The following CACNA1I variants were observed in gnomAD, a reference collection of about 807,000 sequenced individuals.
CACNA1I encodes voltage-dependent T-type calcium channel subunit alpha-1I.
CACNA1I carries 74 observed loss-of-function variants against 201.6 expected under a neutral mutation model. The observed-to-expected ratio is 0.37, with a 90% CI of 0.30 to 0.45. CACNA1I has a LOEUF of 0.45. Ranked by LOEUF, CACNA1I falls within the 20% of genes least tolerant of loss-of-function variation. The pLI, the probability that CACNA1I is intolerant of heterozygous loss-of-function variation, is 1.00. For missense variants in CACNA1I, 2,346 were observed against 3,138.1 expected (o/e 0.75, Z 6.03); for synonymous variants, 1,431 against 1,345.2 (o/e 1.06, Z -1.40).
intron 2 of CACNA1I, among the ~76,000 whole-genome samples, chr22:39,600,281 C>T (rs768309127): frequency 2.2e-4 from 34 of 152,146 alleles, no homozygotes; most frequent in African/African-American, 3.6e-4. Context: ...ACAGATAGAA[C>T]GGGCTGTATG....
chr22:39,646,154 C>T (rs1295398529), intron 7 of CACNA1I, among the ~76,000 whole-genome samples: 3 of 152,038 alleles, frequency 2.0e-5, no homozygotes, highest in Non-Finnish European at 2.9e-5. Flanking sequence ...TCTCCTGGAG[C>T]GAGGCCTCAG....
At chr22:39,584,711 G>A (rs1271017490) in intron 1 of CACNA1I, among the ~76,000 whole-genome samples, 1 of 152,212 alleles carries the variant, frequency 6.6e-6, no homozygotes, top group Admixed American at 6.5e-5. Context: ...GAGCTTGCAT[G>A]GGCACAAGTT....
At chr22:39,606,607 A>T (rs1933228283) in intron 3 of CACNA1I, among the ~76,000 whole-genome samples, 1 of 151,982 alleles carries the variant, frequency 6.6e-6, no homozygotes, top group Non-Finnish European at 1.5e-5. Flanking sequence ...ATCTCGGCTC[A>T]CTACAACCTC....
intron 5 of CACNA1I, among the ~76,000 whole-genome samples, chr22:39,638,666 T>A (rs779944299): frequency 2.0e-5 from 3 of 152,168 alleles, no homozygotes; most frequent in Non-Finnish European, 4.4e-5. Context: ...TTTGTCTTTT[T>A]TTTCCCCCTA....
Position 39,661,384 on chromosome 22 carries a change from C to T in CACNA1I, c.2901+74C>T, listed in dbSNP as rs186975606. The T allele has an allele frequency of 7.7e-6, 9 of 1,163,210 alleles. No individual in the cohort carries two copies. In the African/African-American group the frequency reaches 1.3e-4, roughly 16 times the overall value. 72.1% of individuals were successfully genotyped at this position (1,163,210 alleles called of 1,614,324 possible). ...TGTGGAGGGGCCCTGAAGAGAGGTA[C>T]CTGCCAGTCTAGCCTCAGACTCTGG... On this transcript the variant is annotated intron_variant, in intron 16 of 36. Transcript: ENST00000402142.
At chr22:39,673,875 C>T in intron 28 of CACNA1I, 88 bp from the exon 29 acceptor site, 1 of 1,299,002 alleles carries the variant, frequency 7.7e-7, no homozygotes, top group Admixed American at 1.9e-5. Flanking sequence ...GTTCTCTTCT[C>T]CCAAGTTTAC....
At chr22:39,630,029 C>T (rs5750860) in intron 4 of CACNA1I, among the ~76,000 whole-genome samples, 25,121 of 152,090 alleles carry the variant, frequency 0.17, 2,552 homozygotes, top group South Asian at 0.27. Context: ...TCCCCCCAGC[C>T]GCATGGTCTC....
At position 39,662,028 on chromosome 22, in the gene CACNA1I, T is replaced by C; in HGVS notation, c.2965T>C (p.Ser989Pro). 2 of 1,566,844 alleles carry C rather than the reference T, an allele frequency of 1.3e-6. No individual in the cohort carries two copies. Among genetic ancestry groups the C allele is most frequent in the South Asian group, 2.3e-5 (2 of 85,866 alleles). The change falls in exon 17 of 37, where the codon TCC (serine) becomes CCC (proline). Residue 989 changes from serine to proline, a missense_variant. By Grantham distance (74) the Ser-to-Pro change is moderately conservative (BLOSUM62 -1). Transcript: ENST00000402142. ...GRSAAWASRR[S>P]SWNSLKHKPP... is the part of the protein sequence containing the mutation. ...CAGCGCGGCCTGGGCCAGCCGTCGC[T>C]CCAGCTGGAACAGCCTCAAGCACAA...
chr22:39,637,041 C>T (rs890781892), intron 5 of CACNA1I, among the ~76,000 whole-genome samples: 3 of 152,230 alleles, frequency 2.0e-5, no homozygotes, highest in African/African-American at 7.2e-5. Context: ...CAGCCTCTCC[C>T]TGGCTGTGTG....
chr22:39,598,296 C>A (rs549497798), intron 2 of CACNA1I, 34 bp downstream of exon 2: 1 of 1,284,900 alleles, frequency 7.8e-7, no homozygotes, highest in Non-Finnish European at 1.1e-6. Flanking sequence ...CCCGCCCTGC[C>A]CTCATCCTCC....
chr22:39,662,543 C>A (rs532240037), intron 17 of CACNA1I, 108 bp downstream of exon 17: 6 of 866,924 alleles, frequency 6.9e-6, no homozygotes, highest in Non-Finnish European at 1.0e-5. Flanking sequence ...GGGGCGTGGC[C>A]GGGGCGTGGC....
intron 4 of CACNA1I, among the ~76,000 whole-genome samples, chr22:39,625,926 G>A (rs1933888009): frequency 6.6e-6 from 1 of 151,544 alleles, no homozygotes; most frequent in East Asian, 1.9e-4. Flanking sequence ...GAAAAGTGCT[G>A]TTTTCTCCAG....
At position 39,646,601 on chromosome 22, in the gene CACNA1I, C is replaced by T. The variant is rs1200610839; in HGVS notation, c.1182C>T (p.Leu394=). ...VGSFFMINLC[L]VVIATQFSET... ...CCTTCTTCATGATCAACCTGTGCCTCGTTGTCATAGCGACCCAGTTCTCGG... is the reference window on the plus strand; with the variant it reads ...CCTTCTTCATGATCAACCTGTGCCTTGTTGTCATAGCGACCCAGTTCTCGG... Residue 394 remains leucine, a synonymous_variant, in exon 8 of 37, where the codon CTC becomes CTT. Transcript: ENST00000402142. The T allele has an allele frequency of 6.4e-7, 1 of 1,568,554 alleles. No homozygotes were observed. Among genetic ancestry groups the T allele is most frequent in the Non-Finnish European group, 8.6e-7 (1 of 1,156,902 alleles).
At chr22:39,636,347 C>T (rs952480734) in intron 5 of CACNA1I, among the ~76,000 whole-genome samples, 6 of 152,188 alleles carry the variant, frequency 3.9e-5, no homozygotes, top group African/African-American at 1.2e-4. Context: ...CCCCCATCCC[C>T]GCCCCAGGAA....
chr22:39,686,324 C>T lies in CACNA1I; in HGVS notation c.6591C>T (p.Gly2197=), dbSNP rs1422284834. The T allele has an allele frequency of 1.5e-6, 2 of 1,317,038 alleles. No individual in the cohort carries two copies. Among genetic ancestry groups the T allele is most frequent in the South Asian group, 3.9e-5 (2 of 51,606 alleles). 81.6% of individuals were successfully genotyped at this position (1,317,038 alleles called of 1,614,324 possible). The change falls in exon 37 of 37, where the codon GGC becomes GGT. Residue 2197 remains glycine, a synonymous_variant. Transcript: ENST00000402142. ...DPPGRAPLPM[G]LGPLAPPPQP... ...CCGGCCGGGCACCGCTGCCCATGGG[C>T]CTGGGCCCCTTGGCGCCCCCGCCGC...
chr22:39,650,835 G>A (rs879445611), intron 10 of CACNA1I, among the ~76,000 whole-genome samples: 90 of 152,328 alleles, frequency 5.9e-4, no homozygotes, highest in Non-Finnish European at 3.8e-4. Flanking sequence ...GCCCCAGGGG[G>A]ACAGTACATA....
intron 7 of CACNA1I, among the ~76,000 whole-genome samples, chr22:39,644,280 A>T (rs1386211966): frequency 6.6e-6 from 1 of 152,130 alleles, no homozygotes; most frequent in Non-Finnish European, 1.5e-5. Context: ...AAGGGTGGCT[A>T]AGGGTACAGT....
At position 39,681,004 on chromosome 22, in the gene CACNA1I, G is replaced by C. The variant is rs1935687556; in HGVS notation, c.5616G>C (p.Leu1872=). 4 of 1,611,500 alleles carry C rather than the reference G, an allele frequency of 2.5e-6. No individual in the cohort carries two copies. Among genetic ancestry groups the C allele is most frequent in the African/African-American group, 2.7e-5 (2 of 74,920 alleles). Residue 1872 remains leucine (L), a synonymous_variant, in exon 34 of 37, where the codon CTG becomes CTC. Transcript: ENST00000402142. ...RSSSILLGDD[L]SLEDPTACPP... Reference sequence around the variant, plus strand: ...CGTCCATCCTGCTGGGTGACGACCTGAGTCTCGAGGACCCCACAGCCTGCC... The same window carrying C: ...CGTCCATCCTGCTGGGTGACGACCTCAGTCTCGAGGACCCCACAGCCTGCC...
rs1372540053 is a variant in CACNA1I at position 39,677,617 on chromosome 22, G to A, written c.4933+198G>A. ...CTACCCCGGTGTTGGTGCCTGTCCT[G>A]AGCCAGCGCCACCCCAGCAAGTGGA... On this transcript the variant is annotated intron_variant, in intron 30 of 36. Transcript: ENST00000402142. This position sits in a 1 kb window ranked among gnomAD's most constrained non-coding sequence, Gnocchi z 4.8. 6.6e-6 allele frequency among the ~76,000 whole-genome samples: 1 copy of A among 152,188 alleles called. No homozygotes were observed. Among genetic ancestry groups the A allele is most frequent in the African/African-American group, 2.4e-5 (1 of 41,430 alleles).
Sources: allele counts gnomAD v4.1 joint callset (sites outside exome capture counted in the v4.1 genomes callset), GRCh38; gene constraint gnomAD v4.1.1; non-coding constraint Gnocchi (gnomAD v3.1); transcripts MANE v1.5; gene names NCBI Gene and HGNC (gene_info 2026-07-23, HGNC 2026-07-21).